TMTC2: variants seen among roughly 807,000 people sequenced by gnomAD.
The protein encoded by TMTC2 is protein O-mannosyl-transferase TMTC2.
Under a neutral mutation model 82.4 loss-of-function variants are expected in TMTC2, and 43 were observed. The ratio of observed to expected loss-of-function variants is 0.52; its 90% CI spans 0.41 to 0.67. The LOEUF (loss-of-function observed/expected upper bound fraction) is 0.67. Among genes scored for constraint, TMTC2 ranks in the 30% least tolerant of loss-of-function variants. The probability of loss-of-function intolerance (pLI) is 0.00; values close to 1 mark genes in which losing one functional copy is unlikely to be tolerated. For missense variants in TMTC2, 919 were observed against 1,012.4 expected, an observed-to-expected ratio of 0.91 and a Z score of 1.25; for synonymous variants, 408 against 381.9, an observed-to-expected ratio of 1.07 and a Z score of -0.80.
intron 9 of TMTC2, among the ~76,000 whole-genome samples, chr12:83,046,461 T>C (rs192377435): frequency 2.6e-5 from 4 of 152,208 alleles, no homozygotes; most frequent in Admixed American, 2.6e-4. Context: ...TCCAGGTCAT[T>C]CTGTTGTGCT....
intron 8 of TMTC2, among the ~76,000 whole-genome samples, chr12:83,023,930 G>A (rs1881049422): frequency 6.6e-6 from 1 of 152,182 alleles, no homozygotes; most frequent in South Asian, 2.1e-4. Flanking sequence ...GACAATTCAG[G>A]GAGGACAAAC....
intron 11 of TMTC2, among the ~76,000 whole-genome samples, chr12:83,097,356 T>A (rs937629053): frequency 7.9e-5 from 12 of 152,234 alleles, no homozygotes; most frequent in Admixed American, 7.9e-4. Flanking sequence ...GCTGAACTTA[T>A]AAGTCACAAA....
In TMTC2 at chr12:83,086,322, A is replaced by G. The variant is rs1883657917; in HGVS notation, c.2331+24491A>G. Among the ~76,000 whole-genome samples, 3 of 152,148 alleles carry G rather than the reference A, an allele frequency of 2.0e-5. No homozygotes were observed. In the South Asian group the frequency reaches 6.2e-4, roughly 32 times the overall value. ...CGGGCAGAGGCACTCCTCGTTTCCCATATGGAGACACTTTGATTTTAATTG... is the reference window on the plus strand; with the variant it reads ...CGGGCAGAGGCACTCCTCGTTTCCCGTATGGAGACACTTTGATTTTAATTG... On this transcript the variant is annotated intron_variant, in intron 11 of 11. Transcript: ENST00000321196.
chr12:82,954,747 C>T (rs1475687556), intron 4 of TMTC2, among the ~76,000 whole-genome samples: 3 of 152,124 alleles, frequency 2.0e-5, no homozygotes, highest in East Asian at 1.9e-4. Flanking sequence ...GAACAAGAGG[C>T]GAAAGGCCAC....
At chr12:82,816,035 A>AT (rs1868691595) in intron 1 of TMTC2, among the ~76,000 whole-genome samples, 1 of 151,994 alleles carries the variant, frequency 6.6e-6, no homozygotes, top group Non-Finnish European at 1.5e-5. Context: ...ATAGTACTTG[A>AT]TATAGTAGTG....
At chr12:82,769,962 C>T (rs1877197480) in intron 1 of TMTC2, among the ~76,000 whole-genome samples, 1 of 152,018 alleles carries the variant, frequency 6.6e-6, no homozygotes, top group Non-Finnish European at 1.5e-5. Flanking sequence ...TAATATAGTT[C>T]TCTCATCCCT....
chr12:82,744,363 C>T (rs1252770954), intron 1 of TMTC2, among the ~76,000 whole-genome samples: 1 of 152,098 alleles, frequency 6.6e-6, no homozygotes, highest in East Asian at 1.9e-4. Context: ...GCAGAGGTTG[C>T]AGTGAGCCAA....
chr12:82,806,325 G>C (rs1027140710), intron 1 of TMTC2, among the ~76,000 whole-genome samples: 1 of 152,138 alleles, frequency 6.6e-6, no homozygotes, highest in Non-Finnish European at 1.5e-5. Flanking sequence ...TAAGTAGTAA[G>C]GAGTTATGAC....
chr12:82,719,059 T>TTTTATATATATATA (rs1874040088), intron 1 of TMTC2, among the ~76,000 whole-genome samples: 4 of 94,440 alleles, frequency 4.2e-5, no homozygotes, highest in Admixed American at 1.4e-4. Context: ...TTAGATGATT[T>TTTTATATATATATA]TATATATATA....
At chr12:82,870,315 T>C (rs1872110093) in intron 2 of TMTC2, among the ~76,000 whole-genome samples, 1 of 152,200 alleles carries the variant, frequency 6.6e-6, no homozygotes, top group African/African-American at 2.4e-5. Flanking sequence ...TGATTTCAGC[T>C]CACATTCAAA....
intron 1 of TMTC2, among the ~76,000 whole-genome samples, chr12:82,706,993 C>T (rs1310661638): frequency 6.6e-6 from 1 of 152,184 alleles, no homozygotes; most frequent in African/African-American, 2.4e-5. Flanking sequence ...TTCGTCATTG[C>T]ACCTTTATTT....
intron 1 of TMTC2, among the ~76,000 whole-genome samples, chr12:82,851,845 T>C (rs1870992472): frequency 6.6e-6 from 1 of 151,762 alleles, no homozygotes; most frequent in Admixed American, 6.6e-5. Flanking sequence ...TCATTCCTGC[T>C]CTGAAGGACT....
chr12:82,876,029 G>A (rs1290065399), intron 2 of TMTC2, among the ~76,000 whole-genome samples: 1 of 27,820 alleles, frequency 3.6e-5, no homozygotes, highest in African/African-American at 1.6e-4. Flanking sequence ...TAGTGGTGGC[G>A]GTGGTGGTGG....
chr12:82,774,476 C>A (rs1189711787), intron 1 of TMTC2, among the ~76,000 whole-genome samples: 1 of 151,926 alleles, frequency 6.6e-6, no homozygotes, highest in Non-Finnish European at 1.5e-5. Flanking sequence ...CAAAAACTAG[C>A]TGAGCATGGT....
chr12:82,820,709 C>T (rs1869048651), intron 1 of TMTC2, among the ~76,000 whole-genome samples: 1 of 152,172 alleles, frequency 6.6e-6, no homozygotes. Context: ...TTTTTATTCA[C>T]TCTAAGTTTG....
rs182458723 is a variant in TMTC2, at chr12:82,995,130, T to C, written c.2070+9084T>C. Reference sequence around the variant, plus strand: ...GCTTTATGTTTCCCTTGCTTGGTAATTTTTTTCTAATAATATATCAAGTAG... The same window carrying C: ...GCTTTATGTTTCCCTTGCTTGGTAACTTTTTTCTAATAATATATCAAGTAG... On this transcript the variant is annotated intron_variant, in intron 8 of 11. Coordinates refer to ENST00000321196, the MANE Select transcript of TMTC2 (RefSeq NM_152588.3). Among the ~76,000 whole-genome samples the C allele has an allele frequency of 3.5e-4, 53 of 152,302 alleles. No individual in the cohort carries two copies. The East Asian group carries it at 9.1e-3, about 26-fold the overall frequency.
At chr12:82,939,222 TG>T (rs1240613370) in intron 4 of TMTC2, among the ~76,000 whole-genome samples, 2 of 152,140 alleles carry the variant, frequency 1.3e-5, no homozygotes, top group African/African-American at 4.8e-5. Context: ...TTTTCTATTG[TG>T]TAGGCTTTTT....
intron 8 of TMTC2, among the ~76,000 whole-genome samples, chr12:82,992,445 G>A (rs895742311): frequency 6.6e-6 from 1 of 151,912 alleles, no homozygotes; most frequent in Non-Finnish European, 1.5e-5. Context: ...AATTATTATG[G>A]GTATATATAA....
intron 3 of TMTC2, among the ~76,000 whole-genome samples, chr12:82,927,355 T>C (rs1875780165): frequency 6.6e-6 from 1 of 152,156 alleles, no homozygotes. Context: ...GAAGTGGGCC[T>C]AAAGATGTGA....
Sources: allele counts gnomAD v4.1 joint callset (sites outside exome capture counted in the v4.1 genomes callset), GRCh38; gene constraint gnomAD v4.1.1; transcripts MANE v1.5; gene names NCBI Gene and HGNC (gene_info 2026-07-23, HGNC 2026-07-21).